The following CCSER1 variants were observed in gnomAD, a reference collection of about 807,000 sequenced individuals.
The protein encoded by CCSER1 is coiled-coil serine rich protein 1, also known as serine-rich coiled-coil domain-containing protein 1.
Under a neutral mutation model 82.0 loss-of-function variants are expected in CCSER1, and 41 were observed. The observed-to-expected ratio is 0.50, with a 90% CI of 0.39 to 0.65. CCSER1 has a LOEUF of 0.65. Among genes scored for constraint, CCSER1 ranks in the 30% least tolerant of loss-of-function variants. The pLI is 0.00. For synonymous variants in CCSER1, 414 were observed against 383.9 expected, an observed-to-expected ratio of 1.08 and a Z score of -0.92; for missense variants, 1,119 against 1,064.2, an observed-to-expected ratio of 1.05 and a Z score of -0.72.
At chr4:90,991,474 C>A (rs947373277) in intron 9 of CCSER1, among the ~76,000 whole-genome samples, 1 of 151,918 alleles carries the variant, frequency 6.6e-6, no homozygotes, top group Non-Finnish European at 1.5e-5. Context: ...GGTACTTCCA[C>A]GTATCCCTTG....
At position 90,290,864 on chromosome 4, in the gene CCSER1, T is replaced by G. The variant is rs116148797; in HGVS notation, c.-41-17380T>G. On this transcript the variant is annotated intron_variant, in intron 1 of 10. Transcript: ENST00000509176. ...GCATTCAGAATATTATTTTGCAATA[T>G]TATATGATGTTATTGTTACTGTTGT... Among the ~76,000 whole-genome samples, 1,501 of 152,152 alleles carry G rather than the reference T, an allele frequency of 9.9e-3. 22 individuals carry two copies. Among genetic ancestry groups the G allele is most frequent in the African/African-American group, 0.035 (1,446 of 41,550 alleles).
At chr4:90,828,449 A>G (rs1760748737) in intron 8 of CCSER1, among the ~76,000 whole-genome samples, 1 of 152,186 alleles carries the variant, frequency 6.6e-6, no homozygotes, top group Non-Finnish European at 1.5e-5. Flanking sequence ...TCCAAACAGC[A>G]TGATTTCATC....
chr4:91,478,190 C>A (rs1336467416), intron 10 of CCSER1, among the ~76,000 whole-genome samples: 1 of 151,846 alleles, frequency 6.6e-6, no homozygotes, highest in Non-Finnish European at 1.5e-5. Context: ...ACTTGCTGGA[C>A]TAACTGATTT....
At chr4:90,909,285 G>T (rs1045719927) in intron 8 of CCSER1, among the ~76,000 whole-genome samples, 1 of 151,988 alleles carries the variant, frequency 6.6e-6, no homozygotes, top group East Asian at 1.9e-4. Flanking sequence ...ATCTGCAAAG[G>T]CCCTATTTCC....
intron 9 of CCSER1, among the ~76,000 whole-genome samples, chr4:91,020,148 T>G (rs1739799896): frequency 6.6e-6 from 1 of 152,154 alleles, no homozygotes; most frequent in Admixed American, 6.5e-5. Context: ...ACTTTGAAAA[T>G]AAATATGTAC....
chr4:91,286,677 T>C (rs1743302565), intron 10 of CCSER1, among the ~76,000 whole-genome samples: 1 of 142,812 alleles, frequency 7.0e-6, no homozygotes, highest in Admixed American at 6.9e-5. Context: ...TCAATTTGGT[T>C]ATTGTTTTCC....
intron 10 of CCSER1, among the ~76,000 whole-genome samples, chr4:91,435,016 C>T (rs1754564672): frequency 6.6e-6 from 1 of 152,098 alleles, no homozygotes; most frequent in African/African-American, 2.4e-5. Flanking sequence ...GTCTATGTTC[C>T]ATGATGTTTA....
intron 9 of CCSER1, among the ~76,000 whole-genome samples, chr4:91,006,089 C>G (rs1044848624): frequency 6.6e-6 from 1 of 151,922 alleles, no homozygotes; most frequent in East Asian, 1.9e-4. Flanking sequence ...TTTTAAGATT[C>G]TTTTTTCTAT....
intron 1 of CCSER1, among the ~76,000 whole-genome samples, chr4:90,274,712 A>G (rs760065544): frequency 4.9e-4 from 75 of 152,260 alleles, no homozygotes; most frequent in South Asian, 6.2e-4. Flanking sequence ...GCACTTGACC[A>G]TCTTGGTCCC....
Position 90,920,143 on chromosome 4 carries a change from TTGG to T in CCSER1, c.2095-3222_2095-3220del, listed in dbSNP as rs1728164120. On this transcript the variant is annotated intron_variant, in intron 8 of 10. Coordinates refer to ENST00000509176, the MANE Select transcript of CCSER1 (RefSeq NM_001145065.2). ...CCTTAAATCACATGGTGTAAATTCA[TTGG>T]TGGTCAAAGCTCAGCACACTTCCGC... 3.3e-5 allele frequency among the ~76,000 whole-genome samples: 5 copies of T among 152,042 alleles called. 1 individual carries two copies. The South Asian group carries it at 1.0e-3, about 32-fold the overall frequency.
intron 9 of CCSER1, among the ~76,000 whole-genome samples, chr4:91,084,564 C>A (rs542761464): frequency 1.8e-4 from 27 of 152,220 alleles, no homozygotes; most frequent in African/African-American, 6.5e-4. Context: ...ATGCAAAAAT[C>A]TATAAGCATG....
intron 1 of CCSER1, among the ~76,000 whole-genome samples, chr4:90,261,458 G>A (rs2153448724): frequency 6.6e-6 from 1 of 152,248 alleles, no homozygotes; most frequent in African/African-American, 2.4e-5. Context: ...GGTTTCTGCT[G>A]AGAAGTCTTC....
In CCSER1 at chr4:90,149,388, A is replaced by G. The variant is rs114760934; in HGVS notation, c.-42+21557A>G. On this transcript the variant is annotated intron_variant, in intron 1 of 10. Coordinates refer to ENST00000509176, the MANE Select transcript of CCSER1 (RefSeq NM_001145065.2). ...TGCTGTTTTCAGGCAAAGCCATTTC[A>G]TTGCCCTTTGAAGAACAATGGGAGT... Among the ~76,000 whole-genome samples the G allele has an allele frequency of 3.0e-3, 458 of 152,056 alleles. 2 individuals are homozygous for G. The highest frequency in any genetic ancestry group is 0.011 in the African/African-American group (445 of 41,558).
At chr4:90,691,545 G>A (rs1021251577) in intron 6 of CCSER1, among the ~76,000 whole-genome samples, 4 of 136,822 alleles carry the variant, frequency 2.9e-5, no homozygotes, top group Non-Finnish European at 6.6e-5. Context: ...TAATACATGT[G>A]TACATATCAC....
intron 10 of CCSER1, among the ~76,000 whole-genome samples, chr4:91,274,902 G>A (rs193215761): frequency 1.4e-4 from 21 of 151,996 alleles, no homozygotes; most frequent in African/African-American, 3.4e-4. Flanking sequence ...TCAGGAGATC[G>A]AGACCATCCT....
At chr4:90,495,605 AT>A (rs1207999775) in intron 5 of CCSER1, among the ~76,000 whole-genome samples, 19 of 152,186 alleles carry the variant, frequency 1.2e-4, no homozygotes, top group Non-Finnish European at 1.3e-4. Flanking sequence ...ATGCCCACTA[AT>A]TTTTATATGG....
At chr4:90,554,279 G>T (rs1777863145) in intron 5 of CCSER1, among the ~76,000 whole-genome samples, 1 of 152,176 alleles carries the variant, frequency 6.6e-6, no homozygotes, top group African/African-American at 2.4e-5. Flanking sequence ...TGGGAAGATG[G>T]CTTGAGCCTA....
intron 10 of CCSER1, among the ~76,000 whole-genome samples, chr4:91,206,587 A>G (rs1468172802): frequency 6.6e-6 from 1 of 151,872 alleles, no homozygotes; most frequent in East Asian, 1.9e-4. Flanking sequence ...TAATAGTAAA[A>G]CAGTGTAAGG....
intron 4 of CCSER1, among the ~76,000 whole-genome samples, chr4:90,421,911 G>T (rs895439658): frequency 6.6e-6 from 1 of 152,110 alleles, no homozygotes; most frequent in African/African-American, 2.4e-5. Context: ...CAATAAAATA[G>T]GAAAGTGATG....
Sources: gnomAD v4.1 joint callset for allele counts (sites outside exome capture counted in the v4.1 genomes callset) on GRCh38, gnomAD v4.1.1 for gene constraint, MANE v1.5 for transcripts, NCBI Gene and HGNC (gene_info 2026-07-23, HGNC 2026-07-21) for gene names.